The following RNF217 variants were observed in gnomAD, a reference collection of about 807,000 sequenced individuals.
The protein encoded by RNF217 is ring finger protein 217, also known as E3 ubiquitin-protein ligase RNF217.
Under a neutral mutation model 57.8 loss-of-function variants are expected in RNF217, and 31 were observed. That is an observed-to-expected ratio of 0.54 (90% CI 0.40 to 0.72). The LOEUF (loss-of-function observed/expected upper bound fraction) is 0.72. RNF217 is among the 30% of genes least tolerant of loss of function. The pLI is 0.00. For missense variants in RNF217, 696 were observed against 708.3 expected (o/e 0.98, Z 0.20); for synonymous variants, 313 against 294.0 (o/e 1.06, Z -0.66).
intron 1 of RNF217, among the ~76,000 whole-genome samples, chr6:125,029,800 A>G (rs974810232): frequency 6.6e-6 from 1 of 152,170 alleles, no homozygotes; most frequent in Admixed American, 6.6e-5. Flanking sequence ...ATAAAAAAAA[A>G]TTTTTGAAAT....
rs1455484384 is a variant in RNF217, at chr6:125,086,969, A to G, written c.*4032A>G. On this transcript the variant is annotated 3_prime_UTR_variant, in exon 6 of 6. Coordinates refer to ENST00000521654, the MANE Select transcript of RNF217 (RefSeq NM_001286398.3). ...CCTAAAATACCTATGAACCACTGTAATCATTTCCAGTCCCTGATGCCCCTC... is the reference window on the plus strand; with the variant it reads ...CCTAAAATACCTATGAACCACTGTAGTCATTTCCAGTCCCTGATGCCCCTC... 6.6e-6 allele frequency: 1 copy of G among 152,070 alleles called. No homozygotes were observed. Among genetic ancestry groups the G allele is most frequent in the Non-Finnish European group, 1.5e-5 (1 of 68,002 alleles). 9.4% of individuals were successfully genotyped at this position (152,070 alleles called of 1,614,324 possible).
chr6:125,041,404 T>C (rs572766082), intron 1 of RNF217, among the ~76,000 whole-genome samples: 7 of 152,218 alleles, frequency 4.6e-5, no homozygotes, highest in African/African-American at 1.2e-4. Flanking sequence ...TCAGTCCTCC[T>C]CATAAAACCA....
Position 125,082,921 on chromosome 6 carries a change from C to T in RNF217, c.1613C>T (p.Thr538Ile), listed in dbSNP as rs774111651. Residue 538 changes from threonine (T) to isoleucine (I), a missense_variant, in exon 6 of 6, where the codon ACA becomes ATA. Thr to Ile is a moderately conservative substitution (Grantham distance 89). This residue lies in a region of RNF217 where 231 missense variants were observed against 321.4 expected (regional missense o/e 0.72). Coordinates refer to ENST00000521654, the MANE Select transcript of RNF217 (RefSeq NM_001286398.3). ...LCKKQRKRSR[T>I]GMHW The stretch of plus-strand genomic sequence containing the variant: ...AAAAAACAGAGAAAACGATCACGGA[C>T]AGGTATGCACTGGTAACATGCAGAT... The T allele has an allele frequency of 3.7e-6, 6 of 1,601,114 alleles. No homozygotes were observed. Among genetic ancestry groups the T allele is most frequent in the Non-Finnish European group, 5.1e-6 (6 of 1,176,214 alleles).
intron 1 of RNF217, among the ~76,000 whole-genome samples, chr6:124,991,320 C>A (rs1784552854): frequency 6.6e-6 from 1 of 152,202 alleles, no homozygotes; most frequent in Non-Finnish European, 1.5e-5. Context: ...AGCTGTTCAT[C>A]TTTCCCATAA....
At chr6:124,982,981 G>T (rs1784231504) in intron 1 of RNF217, among the ~76,000 whole-genome samples, 2 of 152,282 alleles carry the variant, frequency 1.3e-5, no homozygotes, top group African/African-American at 4.8e-5. Flanking sequence ...GAAAGGGAAA[G>T]AAAAGGGAAG....
chr6:125,005,489 G>T (rs1263510981), intron 1 of RNF217, among the ~76,000 whole-genome samples: 1 of 152,192 alleles, frequency 6.6e-6, no homozygotes, highest in Non-Finnish European at 1.5e-5. Context: ...CTTGATCTCT[G>T]CAGGAAAGTC....
chr6:125,063,590 G>A (rs1322058053), intron 3 of RNF217, among the ~76,000 whole-genome samples: 1 of 152,046 alleles, frequency 6.6e-6, no homozygotes, highest in Non-Finnish European at 1.5e-5. Flanking sequence ...AACTTCAGAT[G>A]TGATACTAAG....
intron 2 of RNF217, among the ~76,000 whole-genome samples, chr6:125,054,533 T>G (rs1404798853): frequency 6.6e-6 from 1 of 152,194 alleles, no homozygotes; most frequent in Non-Finnish European, 1.5e-5. Flanking sequence ...AGGCATCCTT[T>G]GTATCTCTAT....
chr6:124,997,461 C>CAA (rs34927393), intron 1 of RNF217, among the ~76,000 whole-genome samples: 85,950 of 151,842 alleles, frequency 0.57, 25,591 homozygotes, highest in African/African-American at 0.77. Flanking sequence ...TCACACAACT[C>CAA]GAGTTAATAT....
intron 2 of RNF217, among the ~76,000 whole-genome samples, chr6:125,055,353 T>C (rs559133208): frequency 2.0e-5 from 3 of 152,292 alleles, no homozygotes; most frequent in East Asian, 3.9e-4. Flanking sequence ...GCAGTAGGAC[T>C]TGGTTGTTTA....
chr6:125,030,851 G>A (rs1465624786), intron 1 of RNF217, among the ~76,000 whole-genome samples: 2 of 152,152 alleles, frequency 1.3e-5, no homozygotes, highest in African/African-American at 2.4e-5. Flanking sequence ...TGCCCCAATA[G>A]GGACACTGTG....
chr6:125,022,752 C>T (rs561564964), intron 1 of RNF217, among the ~76,000 whole-genome samples: 9 of 152,178 alleles, frequency 5.9e-5, no homozygotes, highest in Non-Finnish European at 1.0e-4. Context: ...ACACATTACA[C>T]GCTAGACAAA....
intron 3 of RNF217, among the ~76,000 whole-genome samples, chr6:125,076,227 TTTATG>T (rs1204276440): frequency 6.6e-6 from 1 of 152,210 alleles, no homozygotes; most frequent in Non-Finnish European, 1.5e-5. Flanking sequence ...CACAAAAACT[TTTATG>T]TAATCCTTTC....
chr6:125,066,163 A>G (rs1179962457), intron 3 of RNF217, among the ~76,000 whole-genome samples: 4 of 152,184 alleles, frequency 2.6e-5, no homozygotes, highest in African/African-American at 9.7e-5. Flanking sequence ...GCAAGGCATC[A>G]TCGTCTTTCT....
At chr6:125,005,031 C>T (rs1334051023) in intron 1 of RNF217, among the ~76,000 whole-genome samples, 3 of 152,040 alleles carry the variant, frequency 2.0e-5, no homozygotes, top group Non-Finnish European at 4.4e-5. Context: ...GAAGGGCAAG[C>T]CAGGGTGCCA....
chr6:125,026,987 TC>T (rs1026219899), intron 1 of RNF217, among the ~76,000 whole-genome samples: 4 of 152,034 alleles, frequency 2.6e-5, no homozygotes, highest in South Asian at 2.1e-4. Context: ...TTTGTACCAT[TC>T]TTTTTTAAAT....
chr6:124,968,096 C>A (rs1783617220), intron 1 of RNF217, among the ~76,000 whole-genome samples: 1 of 152,104 alleles, frequency 6.6e-6, no homozygotes, highest in Admixed American at 6.5e-5. Flanking sequence ...AAATTCATTT[C>A]TTTTAAACCT....
rs1417652449 is a variant in RNF217 at position 125,085,465 on chromosome 6, T to G, written c.*2528T>G. ...TTTTTTACTAAGTTTCATCAAGATC[T>G]TAAAAAGAGAGAAGAAAATAAAAAG... On this transcript the variant is annotated 3_prime_UTR_variant, in exon 6 of 6. Transcript: ENST00000521654. 4.0e-5 allele frequency: 6 copies of G among 151,850 alleles called. No individual in the cohort carries two copies. The South Asian group carries it at 1.2e-3, about 31-fold the overall frequency. The allele number at this position is 151,850 out of a possible 1,614,324, so 9.4% of individuals were successfully genotyped here.
chr6:125,003,988 C>CACCTAAAACACTTTT, intron 1 of RNF217, among the ~76,000 whole-genome samples: 1 of 152,212 alleles, frequency 6.6e-6, no homozygotes, highest in East Asian at 1.9e-4. Flanking sequence ...ATGTCAAGTG[C>CACCTAAAACACTTTT]TGCAAAAATC....
Sources: allele counts gnomAD v4.1 joint callset (sites outside exome capture counted in the v4.1 genomes callset), GRCh38; gene constraint gnomAD v4.1.1; regional missense constraint gnomAD v4.1.1; transcripts MANE v1.5; gene names NCBI Gene and HGNC (gene_info 2026-07-23, HGNC 2026-07-21).